CACNA2D1: variants seen among roughly 807,000 people sequenced by gnomAD.
The protein encoded by CACNA2D1 is voltage-dependent calcium channel subunit alpha-2/delta-1.
Under a neutral mutation model 171.5 loss-of-function variants are expected in CACNA2D1, and 53 were observed. That is an observed-to-expected ratio of 0.31 (90% CI 0.25 to 0.39). CACNA2D1 has a LOEUF of 0.39. Ranked by LOEUF, CACNA2D1 falls within the 10% of genes least tolerant of loss-of-function variation. The pLI is 1.00. For missense variants in CACNA2D1, 903 were observed against 1,299.8 expected, an observed-to-expected ratio of 0.69 and a Z score of 4.69; for synonymous variants, 442 against 443.1, an observed-to-expected ratio of 1.00 and a Z score of 0.03.
intron 1 of CACNA2D1, among the ~76,000 whole-genome samples, chr7:82,354,076 G>A (rs1319302464): frequency 4.6e-5 from 7 of 152,000 alleles, no homozygotes; most frequent in African/African-American, 1.7e-4. Context: ...CTATACCAAA[G>A]GGAAGGAACA....
intron 3 of CACNA2D1, among the ~76,000 whole-genome samples, chr7:82,282,724 G>A (rs568558084): frequency 2.6e-4 from 40 of 151,496 alleles, no homozygotes; most frequent in Middle Eastern, 3.4e-3. Context: ...AATCACAGAG[G>A]GTTATCTATA....
intron 4 of CACNA2D1, among the ~76,000 whole-genome samples, chr7:82,165,479 T>C (rs1284522696): frequency 1.3e-5 from 2 of 152,054 alleles, no homozygotes; most frequent in East Asian, 3.9e-4. Flanking sequence ...TTTGCTTCTT[T>C]TCAATATAAA....
chr7:82,107,454 T>C lies in CACNA2D1; in HGVS notation c.526+9590A>G, dbSNP rs1277123679. 2.0e-5 allele frequency among the ~76,000 whole-genome samples: 3 copies of C among 152,230 alleles called. No individual in the cohort carries two copies. In the East Asian group the frequency reaches 5.8e-4, roughly 29 times the overall value. On this transcript the variant is annotated intron_variant, in intron 6 of 38. Coordinates refer to ENST00000356860, the MANE Select transcript of CACNA2D1 (RefSeq NM_000722.4). ...TTCCTCTCTCTGCTTCTCCCTAGTT[T>C]GGGCAAAATTCAAAGAGCAGCTATC...
At chr7:82,387,149 T>C (rs1476733389) in intron 1 of CACNA2D1, among the ~76,000 whole-genome samples, 2 of 152,172 alleles carry the variant, frequency 1.3e-5, no homozygotes, top group African/African-American at 4.8e-5. Context: ...TTAAATGCCC[T>C]CACTATGATG....
intron 2 of CACNA2D1, 137 bp from the exon 3 acceptor site, chr7:82,335,388 T>C (rs1817867163): frequency 3.0e-6 from 2 of 671,202 alleles, no homozygotes; most frequent in Non-Finnish European, 5.3e-6. Flanking sequence ...TTTTTGGAGT[T>C]TGAGTGTGTC....
intron 38 of CACNA2D1, among the ~76,000 whole-genome samples, chr7:81,952,591 T>C (rs899045322): frequency 1.3e-5 from 2 of 152,142 alleles, no homozygotes; most frequent in East Asian, 1.9e-4. Flanking sequence ...CGTTCTCATG[T>C]ACCTTTGGCT....
chr7:81,970,819 A>T (rs943264714), intron 26 of CACNA2D1, 82 bp from the exon 27 acceptor site: 2 of 817,326 alleles, frequency 2.4e-6, no homozygotes, highest in Admixed American at 3.4e-5. Flanking sequence ...TACAAAGAGA[A>T]GTAAGTTTAG....
chr7:82,180,882 G>T (rs747368115), intron 3 of CACNA2D1, among the ~76,000 whole-genome samples: 4 of 151,622 alleles, frequency 2.6e-5, no homozygotes, highest in Non-Finnish European at 5.9e-5. Flanking sequence ...CAGTGAGGAG[G>T]ATCTCTGGGA....
chr7:82,258,238 TC>T (rs1806537779), intron 3 of CACNA2D1, among the ~76,000 whole-genome samples: 1 of 152,022 alleles, frequency 6.6e-6, no homozygotes, highest in Non-Finnish European at 1.5e-5. Flanking sequence ...TGCCTTTTAT[TC>T]CTTCCCATTT....
intron 3 of CACNA2D1, among the ~76,000 whole-genome samples, chr7:82,309,655 C>A (rs759963050): frequency 3.3e-5 from 5 of 152,122 alleles, no homozygotes; most frequent in African/African-American, 7.2e-5. Context: ...GAGCTTCTAT[C>A]TTTGGTTTTG....
At chr7:82,437,727 C>T (rs916409378) in intron 1 of CACNA2D1, among the ~76,000 whole-genome samples, 1 of 83,086 alleles carries the variant, frequency 1.2e-5, no homozygotes, top group South Asian at 4.1e-4. Flanking sequence ...GGAGCAATGA[C>T]CGCTTTCTTT....
intron 15 of CACNA2D1, among the ~76,000 whole-genome samples, chr7:82,008,798 CA>C: frequency 6.6e-6 from 1 of 152,098 alleles, no homozygotes; most frequent in East Asian, 1.9e-4. Context: ...TTATTAATAT[CA>C]GGGAGCAAAT....
chr7:82,166,839 A>G (rs1438554511), intron 4 of CACNA2D1, among the ~76,000 whole-genome samples: 1 of 152,026 alleles, frequency 6.6e-6, no homozygotes, highest in African/African-American at 2.4e-5. Flanking sequence ...TGTTCCCTCA[A>G]TTGTGTATTC....
intron 9 of CACNA2D1, among the ~76,000 whole-genome samples, chr7:82,062,139 T>C (rs1222443969): frequency 6.6e-6 from 1 of 152,166 alleles, no homozygotes. Context: ...CTATTATCAT[T>C]TAAACTATAA....
intron 7 of CACNA2D1, among the ~76,000 whole-genome samples, chr7:82,083,168 T>C (rs1810010093): frequency 6.6e-6 from 1 of 152,030 alleles, no homozygotes; most frequent in Admixed American, 6.5e-5. Flanking sequence ...CCTCTTTCCC[T>C]TACTTATATA....
chr7:82,122,972 A>G (rs901166634), intron 5 of CACNA2D1, among the ~76,000 whole-genome samples: 1 of 152,222 alleles, frequency 6.6e-6, no homozygotes, highest in African/African-American at 2.4e-5. Context: ...AAGACTGGCT[A>G]AAGTCATACA....
rs1585021204 is a variant in CACNA2D1 at position 82,180,286 on chromosome 7, C to T, written c.295-9677G>A. Among the ~76,000 whole-genome samples, 3 of 152,260 alleles carry T rather than the reference C, an allele frequency of 2.0e-5. No homozygotes were observed. In the South Asian group the frequency reaches 6.2e-4, roughly 32 times the overall value. On this transcript the variant is annotated intron_variant, in intron 3 of 38. Coordinates refer to ENST00000356860, the MANE Select transcript of CACNA2D1 (RefSeq NM_000722.4). ...CTTTAGATGACTGGGGTTTCCCAAACTCAGGGTTCATCAGCTGTAACACAT... is the reference window on the plus strand; with the variant it reads ...CTTTAGATGACTGGGGTTTCCCAAATTCAGGGTTCATCAGCTGTAACACAT...
chr7:82,103,690 A>C (rs1313362779), intron 6 of CACNA2D1, among the ~76,000 whole-genome samples: 3 of 151,946 alleles, frequency 2.0e-5, no homozygotes, highest in African/African-American at 7.2e-5. Context: ...TTTTGATAGA[A>C]TGCATAAAAA....
At chr7:82,177,922 T>A (rs1234141714) in intron 3 of CACNA2D1, among the ~76,000 whole-genome samples, 1 of 152,166 alleles carries the variant, frequency 6.6e-6, no homozygotes, top group Non-Finnish European at 1.5e-5. Flanking sequence ...ACATTACAGA[T>A]AAATCTTATA....
Sources: gnomAD v4.1 joint callset for allele counts (sites outside exome capture counted in the v4.1 genomes callset) on GRCh38, gnomAD v4.1.1 for gene constraint, MANE v1.5 for transcripts, NCBI Gene and HGNC (gene_info 2026-07-23, HGNC 2026-07-21) for gene names.